The following ALDH9A1 variants were observed in gnomAD, a reference collection of about 807,000 sequenced individuals.
ALDH9A1 encodes 4-trimethylaminobutyraldehyde dehydrogenase.
Under a neutral mutation model 56.6 loss-of-function variants are expected in ALDH9A1, and 42 were observed. The ratio of observed to expected loss-of-function variants is 0.74; its 90% confidence interval spans 0.58 to 0.96. The LOEUF (loss-of-function observed/expected upper bound fraction) is 0.96. Among genes scored for constraint, ALDH9A1 ranks in the 40% least tolerant of loss-of-function variants. The pLI is 0.00. For missense variants in ALDH9A1, 661 were observed against 651.5 expected (o/e 1.01, Z -0.16); for synonymous variants, 242 against 236.0 (o/e 1.03, Z -0.23).
At chr1:165,684,286 C>T (rs1649642583) in intron 2 of ALDH9A1, among the ~76,000 whole-genome samples, 1 of 152,180 alleles carries the variant, frequency 6.6e-6, no homozygotes, top group Admixed American at 6.5e-5. Context: ...AAGGGCAAGT[C>T]AGCACATTTT....
intron 1 of ALDH9A1, among the ~76,000 whole-genome samples, chr1:165,696,688 A>G (rs1650096802): frequency 6.6e-6 from 1 of 152,074 alleles, no homozygotes; most frequent in South Asian, 2.1e-4. Flanking sequence ...TACTGCCTCT[A>G]CCAACAAGAA....
At chr1:165,666,460 G>A (rs938786341) in intron 9 of ALDH9A1, among the ~76,000 whole-genome samples, 2 of 152,256 alleles carry the variant, frequency 1.3e-5, no homozygotes, top group African/African-American at 2.4e-5. Flanking sequence ...GGAGTTACCC[G>A]CCTTTGTAAC....
chr1:165,676,849 T>C (rs1558006213), intron 6 of ALDH9A1: 2 of 300,178 alleles, frequency 6.7e-6, no homozygotes, highest in Non-Finnish European at 1.3e-5. Context: ...AGTAGAGAAG[T>C]GTGGTGTCCT....
chr1:165,675,398 C>A (rs967637373), intron 6 of ALDH9A1, among the ~76,000 whole-genome samples: 1 of 151,778 alleles, frequency 6.6e-6, no homozygotes, highest in African/African-American at 2.4e-5. Context: ...AAGCAAAGTA[C>A]AAAAGAGTAC....
chr1:165,683,153 AT>A (rs1411468199), intron 2 of ALDH9A1, 43 bp from the exon 3 acceptor site: 2 of 1,591,302 alleles, frequency 1.3e-6, no homozygotes, highest in Non-Finnish European at 1.7e-6. Context: ...ATATTCCAAT[AT>A]GTCTTGATGT....
At chr1:165,696,381 T>C (rs545472713) in intron 1 of ALDH9A1, among the ~76,000 whole-genome samples, 4 of 152,286 alleles carry the variant, frequency 2.6e-5, no homozygotes, top group Non-Finnish European at 1.5e-5. Context: ...TCCTAAACAT[T>C]ATCTCAGAAT....
chr1:165,665,347 G>A lies in ALDH9A1; in HGVS notation c.1350-217C>T, dbSNP rs1648975761. 12 of 498,048 alleles carry A rather than the reference G, an allele frequency of 2.4e-5. No homozygotes were observed. In the South Asian group the frequency reaches 3.4e-4, roughly 14 times the overall value. 30.9% of individuals were successfully genotyped at this position (498,048 alleles called of 1,614,324 possible). A position where few individuals can be genotyped will look rare whatever the true frequency, so the allele number is the denominator to read the frequency against. On this transcript the variant is annotated intron_variant, in intron 9 of 10. Transcript: ENST00000354775. Reference sequence around the variant, plus strand: ...TCTTTAAAATAAGTAACAGCAATAAGGGTACCAAAATTCAATGGAGGAAAA... The same window carrying A: ...TCTTTAAAATAAGTAACAGCAATAAAGGTACCAAAATTCAATGGAGGAAAA...
At chr1:165,666,173 T>C (rs1289837204) in intron 9 of ALDH9A1, among the ~76,000 whole-genome samples, 1 of 152,196 alleles carries the variant, frequency 6.6e-6, no homozygotes, top group Non-Finnish European at 1.5e-5. Context: ...TATGATTCCA[T>C]TTATATAAAA....
Position 165,667,315 on chromosome 1 carries a change from A to G in ALDH9A1, c.1343T>C (p.Phe448Ser), listed in dbSNP as rs1388473432. 1 of 1,614,064 alleles carries G rather than the reference A, an allele frequency of 6.2e-7. No individual in the cohort carries two copies. The highest frequency in any genetic ancestry group is 8.5e-7 in the Non-Finnish European group (1 of 1,179,962). The change falls in exon 9 of 11, where the codon TTT becomes TCT. Residue 448 changes from phenylalanine to serine, a missense_variant. Physicochemically the swap from Phe to Ser is radical, Grantham distance 155 (BLOSUM62 -2). Coordinates refer to ENST00000354775, the MANE Select transcript of ALDH9A1 (RefSeq NM_000696.4). ...AGTGTCCCACTCCACATACCTGGTA[A>G]AGACGCCAGCTGCTAGTCCAAAAGT... is the stretch of plus-strand genomic sequence containing the variant. ...DTTFGLAAGVFTRDIQRAHRV... is the reference protein window; with the variant it reads ...DTTFGLAAGVSTRDIQRAHRV...
intron 2 of ALDH9A1, among the ~76,000 whole-genome samples, chr1:165,691,205 T>A (rs1347395511): frequency 6.6e-6 from 1 of 152,182 alleles, no homozygotes; most frequent in African/African-American, 2.4e-5. Context: ...TTCTGCAATA[T>A]TTGCTGTTCT....
At chr1:165,668,873 T>C (rs754071392) in intron 8 of ALDH9A1, 53 bp downstream of exon 8, 14 of 1,310,066 alleles carry the variant, frequency 1.1e-5, no homozygotes, top group Non-Finnish European at 1.1e-5. Context: ...TTCATCTCTA[T>C]CTATTCAGTA....
intron 1 of ALDH9A1, among the ~76,000 whole-genome samples, chr1:165,696,098 C>T (rs145453598): frequency 6.6e-6 from 1 of 152,182 alleles, no homozygotes. Context: ...GTGATTCACC[C>T]ACCTCTGCCT....
intron 2 of ALDH9A1, among the ~76,000 whole-genome samples, chr1:165,683,544 G>A (rs551593710): frequency 6.6e-6 from 1 of 152,316 alleles, no homozygotes; most frequent in Non-Finnish European, 1.5e-5. Context: ...ATACGTACAT[G>A]TACGTAAATA....
At chr1:165,680,813 A>G (rs2101747448) in intron 4 of ALDH9A1, 130 bp from the exon 5 acceptor site, 2 of 861,576 alleles carry the variant, frequency 2.3e-6, no homozygotes, top group African/African-American at 3.4e-5. Context: ...TACATCAAAA[A>G]TGTTATTAAT....
intron 5 of ALDH9A1, 51 bp from the exon 6 acceptor site, chr1:165,679,633 A>G (rs746263944): frequency 5.0e-6 from 8 of 1,601,360 alleles, no homozygotes; most frequent in Non-Finnish European, 6.8e-6. Context: ...ATTATATTGC[A>G]TGCTAAGTCA....
In ALDH9A1 at chr1:165,663,529, A is replaced by T. The variant is rs138397104; in HGVS notation, c.1463-385T>A. Among the ~76,000 whole-genome samples the T allele has an allele frequency of 1.9e-3, 290 of 152,366 alleles. 1 individual carries two copies. Among genetic ancestry groups the T allele is most frequent in the Admixed American group, 3.9e-3 (59 of 15,310 alleles). On this transcript the variant is annotated intron_variant, in intron 10 of 10. Coordinates refer to ENST00000354775, the MANE Select transcript of ALDH9A1 (RefSeq NM_000696.4). ...ATTTAAAACTTTACACAATAGGCTT[A>T]TTCACCATTTCTTAAACACCTATAA...
intron 2 of ALDH9A1, among the ~76,000 whole-genome samples, chr1:165,683,426 C>T (rs1412034668): frequency 6.6e-6 from 1 of 152,054 alleles, no homozygotes; most frequent in African/African-American, 2.4e-5. Context: ...CAGGGCAGGC[C>T]CATTCTGATT....
At chr1:165,665,580 A>G (rs1648981997) in intron 9 of ALDH9A1, among the ~76,000 whole-genome samples, 1 of 152,214 alleles carries the variant, frequency 6.6e-6, no homozygotes, top group South Asian at 2.1e-4. Context: ...TTAGACTATG[A>G]CACCAAAAGT....
intron 6 of ALDH9A1, among the ~76,000 whole-genome samples, chr1:165,672,593 G>C (rs1423730002): frequency 1.3e-5 from 2 of 152,138 alleles, no homozygotes; most frequent in East Asian, 3.9e-4. Flanking sequence ...AATGATGATA[G>C]TTGTACACAA....
Sources: allele counts gnomAD v4.1 joint callset (sites outside exome capture counted in the v4.1 genomes callset), GRCh38; gene constraint gnomAD v4.1.1; transcripts MANE v1.5; gene names NCBI Gene and HGNC (gene_info 2026-07-23, HGNC 2026-07-21).